The following ABHD8 variants were observed in gnomAD, a reference collection of about 807,000 sequenced individuals.
ABHD8 encodes the protein protein ABHD8.
Under a neutral mutation model 29.3 loss-of-function variants are expected in ABHD8, and 10 were observed. That is an observed-to-expected ratio of 0.34 (90% confidence interval 0.21 to 0.58). The LOEUF (loss-of-function observed/expected upper bound fraction) is 0.58, where lower values mean the gene tolerates loss of function less well. Among genes scored for constraint, ABHD8 ranks in the 20% least tolerant of loss-of-function variants. The probability of loss-of-function intolerance (pLI) is 0.85; values close to 1 mark genes in which losing one functional copy is unlikely to be tolerated. For synonymous variants in ABHD8, 282 were observed against 274.6 expected (o/e 1.03, Z -0.27); for missense variants, 556 against 615.3 (o/e 0.90, Z 1.02).
chr19:17,292,496 G>T lies in ABHD8; in HGVS notation c.*165C>A, dbSNP rs2074074778. The T allele has an allele frequency of 4.9e-6, 4 of 809,682 alleles. No homozygotes were observed. Among genetic ancestry groups the T allele is most frequent in the South Asian group, 2.3e-5 (1 of 44,388 alleles). The allele number at this position is 809,682 out of a possible 1,614,324, so 50.2% of individuals were successfully genotyped here. On this transcript the variant is annotated 3_prime_UTR_variant, in exon 5 of 5. Coordinates refer to ENST00000247706, the MANE Select transcript of ABHD8 (RefSeq NM_024527.5). ...AGCGGAATGTCCGCTGGGCTCCCTC[G>T]GATGCCACGCCCCGCCCAGGCAGCC...
intron 1 of ABHD8, 62 bp from the exon 2 acceptor site, chr19:17,301,686 C>T: frequency 6.9e-7 from 1 of 1,455,380 alleles, no homozygotes; most frequent in African/African-American, 1.4e-5. Context: ...CACCGTGCAG[C>T]AGGCACTCCC....
Position 17,292,399 on chromosome 19 carries a change from C to T in ABHD8, c.*262G>A, listed in dbSNP as rs1599520930. 2.2e-5 allele frequency: 11 copies of T among 507,434 alleles called. No homozygotes were observed. The highest frequency in any genetic ancestry group is 3.9e-5 in the Admixed American group (1 of 25,922). 31.4% of individuals were successfully genotyped at this position (507,434 alleles called of 1,614,324 possible). Reference sequence around the variant, plus strand: ...GGGAAGGTGAGGGAGAGCTTCTGTACAAGGTCATCTTCCGTGAGGGTCCCG... The same window carrying T: ...GGGAAGGTGAGGGAGAGCTTCTGTATAAGGTCATCTTCCGTGAGGGTCCCG... On this transcript the variant is annotated 3_prime_UTR_variant, in exon 5 of 5. Coordinates refer to ENST00000247706, the MANE Select transcript of ABHD8 (RefSeq NM_024527.5).
rs367827324 is a variant in ABHD8 at position 17,301,561 on chromosome 19, T to A, written c.56A>T (p.Asn19Ile). The change falls in exon 2 of 5, where the codon AAC becomes ATC. Residue 19 changes from asparagine (N) to isoleucine (I), a missense_variant. Asn to Ile is a moderately radical substitution (Grantham distance 149). Around this residue, in one of 2 missense-constraint regions of ABHD8, gnomAD observed 286 missense variants for 261.4 expected, o/e 1.09. Coordinates refer to ENST00000247706, the MANE Select transcript of ABHD8 (RefSeq NM_024527.5). The stretch of plus-strand genomic sequence containing the variant: ...GACGCTCTCCAGTGGCCCCACGGCG[T>A]TGGGGGGCGTGCCCAGCAGGCAACA... ...IFCCLLGTPP[N>I]AVGPLESVES... 1 of 1,599,692 alleles carries A rather than the reference T, an allele frequency of 6.3e-7. No homozygotes were observed. The highest frequency in any genetic ancestry group is 1.3e-5 in the African/African-American group (1 of 74,690).
At position 17,292,294 on chromosome 19, in the gene ABHD8, G is replaced by T. The variant is rs2074073724; in HGVS notation, c.*367C>A. 2.7e-6 allele frequency: 1 copy of T among 367,676 alleles called. No homozygotes were observed. Among genetic ancestry groups the T allele is most frequent in the Non-Finnish European group, 4.9e-6 (1 of 205,336 alleles). 22.8% of individuals were successfully genotyped at this position (367,676 alleles called of 1,614,324 possible). A position where few individuals can be genotyped will look rare whatever the true frequency, so the allele number is the denominator to read the frequency against. On this transcript the variant is annotated 3_prime_UTR_variant, in exon 5 of 5. Transcript: ENST00000247706. ...GGATGGGGCCTCGAGGGTCCCTGTG[G>T]GGCTCGTGGGTCCCAGGATCAAGCA... is the stretch of plus-strand genomic sequence containing the variant.
In ABHD8 at chr19:17,300,934, T is replaced by C. The variant is rs780799086; in HGVS notation, c.683A>G (p.Tyr228Cys). The C allele has an allele frequency of 6.2e-7, 1 of 1,613,246 alleles. No individual in the cohort carries two copies. The highest frequency in any genetic ancestry group is 1.3e-5 in the African/African-American group (1 of 75,024). The change falls in exon 2 of 5, where the codon TAT becomes TGT. Residue 228 changes from tyrosine (Y) to cysteine (C), a missense_variant. Physicochemically the swap from Tyr to Cys is radical, Grantham distance 194 (BLOSUM62 -2). Transcript: ENST00000247706. ...APQVAAAYTF[Y>C]ALAEDMRAIF... ...TGCTCGCATGTCCTCAGCCAGCGCA[T>C]AGAAGGTGTAGGCTGCGGCCACCTG...
chr19:17,301,167 T>TCGC lies in ABHD8; in HGVS notation c.447_449dup (p.Arg150dup), dbSNP rs1040080172. On this transcript the variant is annotated inframe_insertion, in exon 2 of 5. Transcript: ENST00000247706. ...GGATGGTCCTCTTGGGGCGCCTGGCTCGCCGCCGCCGCCCACCACTGCCAC... is the reference window on the plus strand; with the variant it reads ...GGATGGTCCTCTTGGGGCGCCTGGCTCGCCGCCGCCGCCGCCCACCACTGCCAC... The TCGC allele has an allele frequency of 3.1e-6, 5 of 1,609,328 alleles. No homozygotes were observed. The Admixed American group carries it at 6.7e-5, about 21-fold the overall frequency.
At chr19:17,297,080 C>T (rs1229372300) in intron 2 of ABHD8, among the ~76,000 whole-genome samples, 1 of 152,210 alleles carries the variant, frequency 6.6e-6, no homozygotes, top group Non-Finnish European at 1.5e-5. Flanking sequence ...CTATCCGATC[C>T]TTTAAGGAAA....
chr19:17,295,579 G>A (rs2074090854), intron 2 of ABHD8, among the ~76,000 whole-genome samples: 1 of 151,532 alleles, frequency 6.6e-6, no homozygotes, highest in African/African-American at 2.4e-5. Flanking sequence ...GCTAATTTTT[G>A]TATTTTTTAG....
intron 2 of ABHD8, among the ~76,000 whole-genome samples, chr19:17,299,340 T>A (rs2074107193): frequency 6.6e-6 from 1 of 150,490 alleles, no homozygotes; most frequent in South Asian, 2.1e-4. Flanking sequence ...GGAGGGCGAA[T>A]CACGAGGTCA....
In ABHD8 at chr19:17,292,528, C is replaced by T. The variant is rs2074075232; in HGVS notation, c.*133G>A. ...ACGCCCCGCCCAGGCAGCCTGGGGG[C>T]GTCTCCCTGACCTGGCCCCGCCCAC... On this transcript the variant is annotated 3_prime_UTR_variant, in exon 5 of 5. Coordinates refer to ENST00000247706, the MANE Select transcript of ABHD8 (RefSeq NM_024527.5). The T allele has an allele frequency of 2.8e-6, 3 of 1,067,076 alleles. No individual in the cohort carries two copies. Among genetic ancestry groups the T allele is most frequent in the Non-Finnish European group, 3.8e-6 (3 of 784,856 alleles). The allele number at this position is 1,067,076 out of a possible 1,614,324, so 66.1% of individuals were successfully genotyped here.
chr19:17,301,218 G>T lies in ABHD8; in HGVS notation c.399C>A (p.Pro133=). 1.3e-6 allele frequency: 2 copies of T among 1,595,762 alleles called. No homozygotes were observed. The highest frequency in any genetic ancestry group is 1.7e-6 in the Non-Finnish European group (2 of 1,174,278). Residue 133 remains proline (P), a synonymous_variant, in exon 2 of 5, where the codon CCC becomes CCA. Coordinates refer to ENST00000247706, the MANE Select transcript of ABHD8 (RefSeq NM_024527.5). Reference sequence around the variant, plus strand: ...TGCCGCTGCCGCTGCCTGCGCTGCCGGGGGCCAAGCGGCCATCGCTGCCCG... The same window carrying T: ...TGCCGCTGCCGCTGCCTGCGCTGCCTGGGGCCAAGCGGCCATCGCTGCCCG... The part of the protein sequence containing the change: ...DPAGSDGRLA[P]GSAGSGSGSG...
At chr19:17,301,748 G>A in intron 1 of ABHD8, 124 bp from the exon 2 acceptor site, 1 of 1,158,626 alleles carries the variant, frequency 8.6e-7, no homozygotes. Flanking sequence ...GCCAGATCAA[G>A]TGAGCCACGG....
chr19:17,301,199 T>C lies in ABHD8; in HGVS notation c.418A>G (p.Ser140Gly). Residue 140 changes from serine to glycine, a missense_variant, in exon 2 of 5, where the codon AGC becomes GGC. Ser to Gly is a moderately conservative substitution (Grantham distance 56). Coordinates refer to ENST00000247706, the MANE Select transcript of ABHD8 (RefSeq NM_024527.5). Reference sequence around the variant, plus strand: ...CGCCGCCCACCACTGCCACTGCCGCTGCCGCTGCCTGCGCTGCCGGGGGCC... The same window carrying C: ...CGCCGCCCACCACTGCCACTGCCGCCGCCGCTGCCTGCGCTGCCGGGGGCC... ...RLAPGSAGSG[S>G]GSGSGGRRRR... The C allele has an allele frequency of 1.2e-6, 2 of 1,602,502 alleles. No homozygotes were observed. Among genetic ancestry groups the C allele is most frequent in the Admixed American group, 3.4e-5 (2 of 59,236 alleles).
At chr19:17,297,739 CT>C (rs2074099063) in intron 2 of ABHD8, 1 of 114,164 alleles carries the variant, frequency 8.8e-6, no homozygotes, top group Non-Finnish European at 1.9e-5. Context: ...TCTTTGTTTT[CT>C]TTTCTTTTTT....
Position 17,301,160 on chromosome 19 carries a change from G to A in ABHD8, c.457C>T (p.Arg153Cys), listed in dbSNP as rs765241379. The A allele has an allele frequency of 1.1e-5, 17 of 1,610,148 alleles. No homozygotes were observed. Among genetic ancestry groups the A allele is most frequent in the Non-Finnish European group, 1.4e-5 (16 of 1,179,500 alleles). ...TCAATATGGATGGTCCTCTTGGGGC[G>A]CCTGGCTCGCCGCCGCCGCCCACCA... The part of the protein sequence containing the change: ...GSGGRRRRAR[R>C]PKRTIHIDCE... The change falls in exon 2 of 5, where the codon CGC becomes TGC. Residue 153 changes from arginine (R) to cysteine (C), a missense_variant. Arg to Cys is a radical substitution (Grantham distance 180). Transcript: ENST00000247706.
chr19:17,300,517 G>A (rs2074112515), intron 2 of ABHD8, among the ~76,000 whole-genome samples: 2 of 151,980 alleles, frequency 1.3e-5, no homozygotes, highest in Admixed American at 6.6e-5. Flanking sequence ...TCCCTCTGTC[G>A]CCCAGGCTGG....
At chr19:17,300,518 C>T (rs2074112525) in intron 2 of ABHD8, among the ~76,000 whole-genome samples, 1 of 152,088 alleles carries the variant, frequency 6.6e-6, no homozygotes, top group South Asian at 2.1e-4. Flanking sequence ...CCCTCTGTCG[C>T]CCAGGCTGGA....
chr19:17,293,156 CGT>C (rs1391427485), intron 4 of ABHD8, among the ~76,000 whole-genome samples: 16 of 145,282 alleles, frequency 1.1e-4, no homozygotes, highest in Non-Finnish European at 1.9e-4. Flanking sequence ...AGTGCAGTGG[CGT>C]AATCTCGGCT....
rs746772447 is a variant in ABHD8, at chr19:17,294,770, G to A, written c.837C>T (p.Gly279=). 3.7e-6 allele frequency: 6 copies of A among 1,613,914 alleles called. No homozygotes were observed. The highest frequency in any genetic ancestry group is 3.3e-4 in the Middle Eastern group (2 of 6,082). Residue 279 remains glycine (G), a synonymous_variant, in exon 3 of 5, where the codon GGC becomes GGT. Transcript: ENST00000247706. ...VHKVIMINGG[G]PTALEPSFCS... ...AGAAGCTGGGCTCCAGCGCCGTAGG[G>A]CCCCCGCCATTGATCATGATCACCT...
Sources: allele counts gnomAD v4.1 joint callset (sites outside exome capture counted in the v4.1 genomes callset), GRCh38; gene constraint gnomAD v4.1.1; regional missense constraint gnomAD v4.1.1; transcripts MANE v1.5; gene names NCBI Gene and HGNC (gene_info 2026-07-23, HGNC 2026-07-21).